The following ROBO2 variants were observed in gnomAD, a reference collection of about 807,000 sequenced individuals.
ROBO2 encodes the protein roundabout guidance receptor 2, also known as roundabout homolog 2.
Under a neutral mutation model 160.8 loss-of-function variants are expected in ROBO2, and 53 were observed. The observed-to-expected ratio is 0.33, with a 90% CI of 0.26 to 0.41. ROBO2 has a LOEUF of 0.41. ROBO2 is among the 10% of genes least tolerant of loss of function. ROBO2 has a pLI of 1.00. For synonymous variants in ROBO2, 664 were observed against 611.7 expected, an observed-to-expected ratio of 1.09 and a Z score of -1.26; for missense variants, 1,577 against 1,722.4, an observed-to-expected ratio of 0.92 and a Z score of 1.49.
At chr3:76,982,532 T>C (rs1450804041) in intron 2 of ROBO2, among the ~76,000 whole-genome samples, 1 of 152,238 alleles carries the variant, frequency 6.6e-6, no homozygotes, top group Non-Finnish European at 1.5e-5. Flanking sequence ...TTCTTGTTTT[T>C]CAAGATTGTT....
At chr3:77,278,110 A>C (rs371614760) in intron 2 of ROBO2, among the ~76,000 whole-genome samples, 4 of 152,302 alleles carry the variant, frequency 2.6e-5, no homozygotes, top group African/African-American at 9.6e-5. Flanking sequence ...AGAATAAGCT[A>C]GCCCCCTCCT....
At chr3:77,511,827 T>C (rs2089434015) in intron 5 of ROBO2, among the ~76,000 whole-genome samples, 1 of 152,040 alleles carries the variant, frequency 6.6e-6, no homozygotes, top group Non-Finnish European at 1.5e-5. Context: ...ATAACCTTGC[T>C]TCTTACTATT....
intron 24 of ROBO2, among the ~76,000 whole-genome samples, chr3:77,639,399 A>T (rs116632356): frequency 2.4e-4 from 37 of 152,330 alleles, no homozygotes; most frequent in African/African-American, 8.9e-4. Flanking sequence ...GTTATGGGGA[A>T]AAAACAAAGG....
chr3:76,076,644 C>T (rs1327195778), intron 2 of ROBO2, among the ~76,000 whole-genome samples: 4 of 152,100 alleles, frequency 2.6e-5, no homozygotes, highest in East Asian at 3.8e-4. Flanking sequence ...ACCTATCTTA[C>T]CACAGTAATG....
intron 2 of ROBO2, among the ~76,000 whole-genome samples, chr3:75,984,431 T>G (rs1322633092): frequency 6.6e-6 from 1 of 151,448 alleles, no homozygotes; most frequent in Non-Finnish European, 1.5e-5. Context: ...ATAACACAGA[T>G]TAGGATCTCT....
At chr3:76,069,344 A>G (rs1027984800) in intron 2 of ROBO2, among the ~76,000 whole-genome samples, 3 of 151,840 alleles carry the variant, frequency 2.0e-5, no homozygotes, top group East Asian at 1.9e-4. Flanking sequence ...TGTTATTTCT[A>G]TTTTTCCCAG....
At chr3:77,475,763 GAACCACGGTGTT>G (rs1489236382) in intron 2 of ROBO2, among the ~76,000 whole-genome samples, 2 of 152,298 alleles carry the variant, frequency 1.3e-5, no homozygotes, top group Middle Eastern at 3.4e-3. Context: ...CTGCAAGAGG[GAACCACGGTGTT>G]AACCCCTTCT....
At chr3:76,847,095 C>G (rs183078872) in intron 2 of ROBO2, among the ~76,000 whole-genome samples, 38 of 152,206 alleles carry the variant, frequency 2.5e-4, no homozygotes, top group East Asian at 1.5e-3. Context: ...TTGCTACTGT[C>G]CAAGAGTTTT....
intron 23 of ROBO2, chr3:77,634,510 T>C (rs949930700): frequency 1.5e-5 from 4 of 259,406 alleles, no homozygotes; most frequent in African/African-American, 8.8e-5. Context: ...TCTTTAATTT[T>C]AAGAAATAAA....
At chr3:76,340,107 T>G (rs1156940716) in intron 2 of ROBO2, among the ~76,000 whole-genome samples, 1 of 144,300 alleles carries the variant, frequency 6.9e-6, no homozygotes, top group East Asian at 2.0e-4. Flanking sequence ...ACTTAGAAAA[T>G]TAAGATTATA....
intron 2 of ROBO2, among the ~76,000 whole-genome samples, chr3:76,766,782 C>T (rs2061598260): frequency 6.6e-6 from 1 of 151,350 alleles, no homozygotes; most frequent in African/African-American, 2.4e-5. Context: ...AACGATTTAC[C>T]ATAAATCACT....
At chr3:76,287,052 GC>G (rs1329426542) in intron 2 of ROBO2, among the ~76,000 whole-genome samples, 1 of 152,122 alleles carries the variant, frequency 6.6e-6, no homozygotes, top group Non-Finnish European at 1.5e-5. Flanking sequence ...TCCTAGCTAA[GC>G]AAAAATATAA....
intron 2 of ROBO2, among the ~76,000 whole-genome samples, chr3:76,209,399 G>GA (rs1559642761): frequency 6.6e-6 from 1 of 151,892 alleles, no homozygotes; most frequent in Non-Finnish European, 1.5e-5. Context: ...AACTATTTTT[G>GA]AAAATATAAG....
At chr3:76,447,040 T>C (rs2077218362) in intron 2 of ROBO2, among the ~76,000 whole-genome samples, 1 of 152,094 alleles carries the variant, frequency 6.6e-6, no homozygotes, top group Non-Finnish European at 1.5e-5. Flanking sequence ...AATTGACAGA[T>C]GGGATCTAAT....
intron 2 of ROBO2, among the ~76,000 whole-genome samples, chr3:76,431,918 G>T (rs541295652): frequency 6.6e-6 from 1 of 152,064 alleles, no homozygotes; most frequent in Non-Finnish European, 1.5e-5. Flanking sequence ...ACACTGAAAG[G>T]TCAAAAATTA....
rs556090382 is a variant in ROBO2 at position 76,517,612 on chromosome 3, T to C, written c.109+580010T>C. On this transcript the variant is annotated intron_variant, in intron 2 of 26. Transcript: ENST00000487694. ...ATGTTTATCATGCCTAAGTATGTTA[T>C]ATCAATTAACCCATTTTATGATTCC... Among the ~76,000 whole-genome samples, 3 of 152,336 alleles carry C rather than the reference T, an allele frequency of 2.0e-5. No homozygotes were observed. The South Asian group carries it at 6.2e-4, about 32-fold the overall frequency.
At chr3:76,609,310 T>A (rs1182105933) in intron 2 of ROBO2, among the ~76,000 whole-genome samples, 1 of 152,162 alleles carries the variant, frequency 6.6e-6, no homozygotes, top group Non-Finnish European at 1.5e-5. Context: ...TCCAGTTTTG[T>A]TTTTTTACTT....
intron 9 of ROBO2, among the ~76,000 whole-genome samples, chr3:77,559,778 A>G (rs1313755544): frequency 6.6e-6 from 1 of 152,060 alleles, no homozygotes; most frequent in Non-Finnish European, 1.5e-5. Flanking sequence ...ACACACATGC[A>G]CACATAAGTT....
Position 77,550,684 on chromosome 3 carries a change from C to T in ROBO2, c.1060-134C>T, listed in dbSNP as rs971418841. ...TGAAACCCACTGTGTGGCATTTAAA[C>T]ATTTCTGAACCATATATATTTTAAT... is the stretch of plus-strand genomic sequence containing the variant. On this transcript the variant is annotated intron_variant, in intron 7 of 25. Transcript: ENST00000461745. 7.5e-6 allele frequency: 7 copies of T among 937,716 alleles called. No individual in the cohort carries two copies. In the African/African-American group the frequency reaches 9.9e-5, roughly 13 times the overall value. 58.1% of individuals were successfully genotyped at this position (937,716 alleles called of 1,614,324 possible). A position where few individuals can be genotyped will look rare whatever the true frequency, so the allele number is the denominator to read the frequency against.
Sources: allele counts gnomAD v4.1 joint callset (sites outside exome capture counted in the v4.1 genomes callset), GRCh38; gene constraint gnomAD v4.1.1; transcripts MANE v1.5; gene names NCBI Gene and HGNC (gene_info 2026-07-23, HGNC 2026-07-21).